DAB2IP: variants seen among roughly 807,000 people sequenced by gnomAD.
The protein encoded by DAB2IP is DAB2 interacting protein.
In DAB2IP, 28 loss-of-function variants were observed where a neutral mutation model predicts 107.2. The observed-to-expected ratio is 0.26, with a 90% CI of 0.19 to 0.36. DAB2IP has a LOEUF of 0.36. Ranked by LOEUF, DAB2IP falls within the 10% of genes least tolerant of loss-of-function variation. DAB2IP has a pLI of 1.00. For missense variants in DAB2IP, 1,400 were observed against 1,644.7 expected (o/e 0.85, Z 2.57); for synonymous variants, 755 against 706.4 (o/e 1.07, Z -1.09).
At chr9:121,759,052 G>A in intron 5 of DAB2IP, 56 bp downstream of exon 5, 1 of 1,517,208 alleles carries the variant, frequency 6.6e-7, no homozygotes, top group South Asian at 1.2e-5. Context: ...GCTCAGATAG[G>A]AGGAAACAAG....
intron 10 of DAB2IP, among the ~76,000 whole-genome samples, chr9:121,768,991 C>G (rs1165268439): frequency 6.6e-6 from 1 of 152,196 alleles, no homozygotes; most frequent in East Asian, 1.9e-4. Flanking sequence ...TGTACCTCCA[C>G]TTGTCCAGCA....
intron 1 of DAB2IP, among the ~76,000 whole-genome samples, chr9:121,606,850 C>T (rs931594293): frequency 1.3e-5 from 2 of 151,876 alleles, no homozygotes; most frequent in Admixed American, 1.3e-4. Flanking sequence ...TCTCAGCTCA[C>T]TGCAACCTCT....
intron 2 of DAB2IP, 197 bp downstream of exon 2, chr9:121,678,978 G>A (rs1828429321): frequency 2.1e-6 from 1 of 481,836 alleles, no homozygotes; most frequent in East Asian, 3.6e-5. Context: ...GGGGCCACAT[G>A]GGGGGTCCCA....
At chr9:121,656,573 C>G (rs1177461082) in intron 1 of DAB2IP, among the ~76,000 whole-genome samples, 2 of 152,240 alleles carry the variant, frequency 1.3e-5, no homozygotes, top group South Asian at 2.1e-4. Context: ...CCTAGCCTTT[C>G]CAGTCCCTCC....
intron 14 of DAB2IP, among the ~76,000 whole-genome samples, chr9:121,778,649 AAAGGAGCAGATC>A: frequency 6.6e-6 from 1 of 152,288 alleles, no homozygotes; most frequent in African/African-American, 2.4e-5. Flanking sequence ...AACTTTCTAC[AAAGGAGCAGATC>A]AAAAGTATTT....
intron 1 of DAB2IP, among the ~76,000 whole-genome samples, chr9:121,631,113 T>A (rs1237946573): frequency 6.6e-6 from 1 of 152,172 alleles, no homozygotes; most frequent in Non-Finnish European, 1.5e-5. Flanking sequence ...AAGGCTGCTC[T>A]TTGTACCCAT....
exon 5 of DAB2IP, chr9:121,758,936 G>A (rs776280750): frequency 1.2e-6 from 2 of 1,613,780 alleles, no homozygotes; most frequent in South Asian, 2.2e-5. Flanking sequence ...TTTCCTGCCG[G>A]TCTGCAGCTG....
intron 2 of DAB2IP, among the ~76,000 whole-genome samples, chr9:121,685,363 C>T (rs1309502449): frequency 2.6e-5 from 4 of 152,172 alleles, no homozygotes; most frequent in Admixed American, 6.5e-5. Flanking sequence ...AGTCTGGGGA[C>T]AGGGGGTCTT....
chr9:121,693,158 G>A (rs1236906320), intron 2 of DAB2IP, among the ~76,000 whole-genome samples: 2 of 152,238 alleles, frequency 1.3e-5, no homozygotes, highest in South Asian at 4.1e-4. Flanking sequence ...CACTGGGCAA[G>A]GAGCAGGGGA....
chr9:121,610,810 G>A (rs692910), intron 1 of DAB2IP, among the ~76,000 whole-genome samples: 147,050 of 152,162 alleles, frequency 0.97, 71,305 homozygotes, highest in East Asian at 1. Context: ...TTTGAAGATG[G>A]TTTCACGGAC....
chr9:121,722,198 C>G (rs1357620753), intron 3 of DAB2IP, among the ~76,000 whole-genome samples: 1 of 152,190 alleles, frequency 6.6e-6, no homozygotes, highest in Admixed American at 6.5e-5. Flanking sequence ...ATGTGACCTC[C>G]CCTGCCATTT....
chr9:121,720,042 T>G (rs1467871894), intron 3 of DAB2IP, among the ~76,000 whole-genome samples: 4 of 152,168 alleles, frequency 2.6e-5, no homozygotes, highest in Non-Finnish European at 5.9e-5. Flanking sequence ...GCCTGGCAAC[T>G]CTCTTCAACT....
chr9:121,645,071 C>A (rs1832491529), intron 1 of DAB2IP, among the ~76,000 whole-genome samples: 3 of 152,228 alleles, frequency 2.0e-5, no homozygotes, highest in Non-Finnish European at 2.9e-5. Context: ...GGGTGCGGAG[C>A]TGTCTGGGCC....
At chr9:121,642,021 C>CT (rs1554718274) in intron 1 of DAB2IP, among the ~76,000 whole-genome samples, 2 of 12,470 alleles carry the variant, frequency 1.6e-4, no homozygotes, top group Non-Finnish European at 2.9e-4. Context: ...CTCTCTCTCT[C>CT]TCTCTCTCTC....
chr9:121,768,330 C>T (rs1834443215), intron 9 of DAB2IP, 102 bp from the exon 10 acceptor site: 10 of 1,267,276 alleles, frequency 7.9e-6, no homozygotes, highest in Non-Finnish European at 1.0e-5. Flanking sequence ...GAGTGGGAGC[C>T]TGCCATAGTG....
At position 121,684,514 on chromosome 9, in the gene DAB2IP, G is replaced by A. The variant is rs1006795085; in HGVS notation, c.228+5733G>A. ...GGTCCAACTGCCCTCGGAGCCCCACGACAGCTCCTTCCCGCTCATCTGCAC... is the reference window on the plus strand; with the variant it reads ...GGTCCAACTGCCCTCGGAGCCCCACAACAGCTCCTTCCCGCTCATCTGCAC... On this transcript the variant is annotated intron_variant, in intron 2 of 15. Transcript: ENST00000408936. The surrounding 1 kb of genome is among the most constrained non-coding windows in gnomAD (Gnocchi z 4.0). Among the ~76,000 whole-genome samples the A allele has an allele frequency of 9.2e-5, 14 of 152,142 alleles. No homozygotes were observed. The South Asian group carries it at 1.5e-3, about 16-fold the overall frequency.
intron 1 of DAB2IP, among the ~76,000 whole-genome samples, chr9:121,642,021 C>CTTTCTTTCTTTCTT (rs1554718274): frequency 4.0e-4 from 5 of 12,478 alleles, no homozygotes; most frequent in African/African-American, 6.8e-4. Context: ...CTCTCTCTCT[C>CTTTCTTTCTTTCTT]TCTCTCTCTC....
chr9:121,615,627 CTTTCTT>C (rs1831243525), intron 1 of DAB2IP, among the ~76,000 whole-genome samples: 1 of 67,024 alleles, frequency 1.5e-5, no homozygotes, highest in African/African-American at 5.1e-5. Context: ...AAATAACTTT[CTTTCTT>C]TTTTTTTTTT....
exon 16 of DAB2IP, chr9:121,784,742 G>A (rs952684390): frequency 3.2e-5 from 5 of 153,960 alleles, no homozygotes; most frequent in African/African-American, 1.2e-4. Flanking sequence ...CTAGAGAACA[G>A]TATTGGGCAG....
Sources: allele counts gnomAD v4.1 joint callset (sites outside exome capture counted in the v4.1 genomes callset), GRCh38; gene constraint gnomAD v4.1.1; non-coding constraint Gnocchi (gnomAD v3.1); transcripts MANE v1.5; gene names NCBI Gene and HGNC (gene_info 2026-07-23, HGNC 2026-07-21).